RPAP2: variants seen among roughly 807,000 people sequenced by gnomAD.
RPAP2 encodes the protein putative RNA polymerase II subunit B1 CTD phosphatase RPAP2.
In RPAP2, 52 loss-of-function variants were observed where a neutral mutation model predicts 73.1. That is an observed-to-expected ratio of 0.71 (90% CI 0.57 to 0.90). RPAP2 has a LOEUF of 0.90. RPAP2 is among the 40% of genes least tolerant of loss of function. The pLI is 0.00. For missense variants in RPAP2, 598 were observed against 701.8 expected (o/e 0.85, Z 1.67); for synonymous variants, 225 against 242.1 (o/e 0.93, Z 0.65).
intron 11 of RPAP2, among the ~76,000 whole-genome samples, chr1:92,362,771 T>TA (rs373555976): frequency 6.6e-6 from 1 of 152,190 alleles, no homozygotes; most frequent in Non-Finnish European, 1.5e-5. Context: ...TAATGTTTTT[T>TA]ATCACTTACA....
At position 92,300,256 on chromosome 1, in the gene RPAP2, G is replaced by C. The variant is rs1650723262; in HGVS notation, c.119+17G>C. On this transcript the variant is annotated intron_variant, in intron 2 of 12. Coordinates refer to ENST00000610020, the MANE Select transcript of RPAP2 (RefSeq NM_024813.3). Reference sequence around the variant, plus strand: ...TTCTAAAAGGTATGACAGCTACATGGACAACTACATTGGCATATCTACTTA... The same window carrying C: ...TTCTAAAAGGTATGACAGCTACATGCACAACTACATTGGCATATCTACTTA... 6.3e-7 allele frequency: 1 copy of C among 1,591,430 alleles called. No homozygotes were observed. Among genetic ancestry groups the C allele is most frequent in the South Asian group, 1.1e-5 (1 of 90,504 alleles).
rs1289175785 is a variant in RPAP2, at chr1:92,398,721, T to A, written c.*11710T>A. 1 of 152,212 alleles carries A rather than the reference T, an allele frequency of 6.6e-6. No homozygotes were observed. The allele number at this position is 152,212 out of a possible 1,614,324, so 9.4% of individuals were successfully genotyped here. On this transcript the variant is annotated 3_prime_UTR_variant, in exon 13 of 13. Coordinates refer to ENST00000610020, the MANE Select transcript of RPAP2 (RefSeq NM_024813.3). ...GAAGCATGCTCCAGTGTGCATGCAC[T>A]CTCATCAAAGCCCTAGTCAGGAATC...
At chr1:92,380,123 C>T (rs1351791117) in intron 11 of RPAP2, among the ~76,000 whole-genome samples, 3 of 150,478 alleles carry the variant, frequency 2.0e-5, no homozygotes, top group South Asian at 4.2e-4. Context: ...ACCAAAAAAA[C>T]GAAAATTAGC....
At chr1:92,302,679 GCAAGCTCCGCCTC>G (rs1650947751) in intron 3 of RPAP2, among the ~76,000 whole-genome samples, 1 of 127,282 alleles carries the variant, frequency 7.9e-6, no homozygotes, top group Non-Finnish European at 1.5e-5. Flanking sequence ...TCTGCTCACT[GCAAGCTCCGCCTC>G]CCGTGTTCAC....
chr1:92,311,090 T>C (rs1651569493), intron 6 of RPAP2, among the ~76,000 whole-genome samples: 1 of 152,244 alleles, frequency 6.6e-6, no homozygotes, highest in Non-Finnish European at 1.5e-5. Context: ...TTTTTTAAAA[T>C]GCTGGCAGCA....
chr1:92,359,514 T>A (rs1305060218), intron 11 of RPAP2, among the ~76,000 whole-genome samples: 1 of 152,154 alleles, frequency 6.6e-6, no homozygotes, highest in East Asian at 1.9e-4. Context: ...GAGACAGGAT[T>A]TTACCATGTT....
At chr1:92,313,172 T>C (rs1357734119) in intron 6 of RPAP2, among the ~76,000 whole-genome samples, 1 of 152,174 alleles carries the variant, frequency 6.6e-6, no homozygotes, top group Non-Finnish European at 1.5e-5. Context: ...CACTCCCAAA[T>C]GTTCTTAATG....
rs181188250 is a variant in RPAP2 at position 92,374,433 on chromosome 1, A to G, written c.1689-6291A>G. Among the ~76,000 whole-genome samples, 281 of 152,304 alleles carry G rather than the reference A, an allele frequency of 1.8e-3. 1 individual carries two copies. Among genetic ancestry groups the G allele is most frequent in the South Asian group, 3.1e-3 (15 of 4,824 alleles). On this transcript the variant is annotated intron_variant, in intron 11 of 12. Coordinates refer to ENST00000610020, the MANE Select transcript of RPAP2 (RefSeq NM_024813.3). Reference sequence around the variant, plus strand: ...CGTTGCTAGGTGCTTTGTGGTTTACAAAGTCCTCTTCCATGGTTACTACTA... The same window carrying G: ...CGTTGCTAGGTGCTTTGTGGTTTACGAAGTCCTCTTCCATGGTTACTACTA...
At position 92,392,732 on chromosome 1, in the gene RPAP2, A is replaced by G. The variant is rs1656087030; in HGVS notation, c.*5721A>G. The stretch of plus-strand genomic sequence containing the variant: ...GTGCAAAAATCACAAGCATTCCTAT[A>G]TACCAATAATAGACAAAGAGCCAAA... On this transcript the variant is annotated 3_prime_UTR_variant, in exon 13 of 13. Coordinates refer to ENST00000610020, the MANE Select transcript of RPAP2 (RefSeq NM_024813.3). 1 of 152,254 alleles carries G rather than the reference A, an allele frequency of 6.6e-6. No homozygotes were observed. Among genetic ancestry groups the G allele is most frequent in the Non-Finnish European group, 1.5e-5 (1 of 68,054 alleles). The allele number at this position is 152,254 out of a possible 1,614,324, so 9.4% of individuals were successfully genotyped here. A position where few individuals can be genotyped will look rare whatever the true frequency, so the allele number is the denominator to read the frequency against.
intron 11 of RPAP2, among the ~76,000 whole-genome samples, chr1:92,371,889 CAAAAA>C (rs1164408246): frequency 3.3e-5 from 3 of 92,136 alleles, no homozygotes; most frequent in Non-Finnish European, 6.6e-5. Flanking sequence ...GACCCTGTCT[CAAAAA>C]AAAAAAAAAA....
At position 92,394,955 on chromosome 1, in the gene RPAP2, T is replaced by C. The variant is rs1011526446; in HGVS notation, c.*7944T>C. On this transcript the variant is annotated 3_prime_UTR_variant, in exon 13 of 13. Coordinates refer to ENST00000610020, the MANE Select transcript of RPAP2 (RefSeq NM_024813.3). ...TAATCAAGACAGTGTGGTACTGATA[T>C]AAAGATAGGCATACAGATCAGTGGA... The C allele has an allele frequency of 6.6e-6, 1 of 152,188 alleles. No homozygotes were observed. Among genetic ancestry groups the C allele is most frequent in the Admixed American group, 6.5e-5 (1 of 15,272 alleles). The allele number at this position is 152,188 out of a possible 1,614,324, so 9.4% of individuals were successfully genotyped here.
intron 11 of RPAP2, among the ~76,000 whole-genome samples, chr1:92,352,615 T>C (rs764494852): frequency 6.6e-6 from 1 of 152,232 alleles, no homozygotes; most frequent in African/African-American, 2.4e-5. Flanking sequence ...TATTTGAAGA[T>C]CATTGAAATT....
chr1:92,327,154 CAG>C (rs1402085483), intron 8 of RPAP2, among the ~76,000 whole-genome samples: 1 of 152,198 alleles, frequency 6.6e-6, no homozygotes, highest in African/African-American at 2.4e-5. Context: ...AATATTCTCT[CAG>C]ACCACAGTGG....
intron 11 of RPAP2, among the ~76,000 whole-genome samples, chr1:92,375,476 C>T (rs1655344685): frequency 6.6e-6 from 1 of 152,214 alleles, no homozygotes; most frequent in Middle Eastern, 3.4e-3. Context: ...AGGTGGACTG[C>T]CTGAGCTCAG....
chr1:92,301,578 C>G lies in RPAP2; in HGVS notation c.222C>G (p.Phe74Leu), dbSNP rs1382551954. ...QLLEENITEE[F>L]LMECGRFITP... is the part of the protein sequence containing the mutation. ...TAGAGGAGAATATTACAGAAGAGTT[C>G]CTAATGGAGTGTGTATGTGTTAAGT... Residue 74 changes from phenylalanine to leucine, a missense_variant, in exon 3 of 13, where the codon TTC (phenylalanine) becomes TTG (leucine). Phe to Leu is a conservative substitution (Grantham distance 22). Coordinates refer to ENST00000610020, the MANE Select transcript of RPAP2 (RefSeq NM_024813.3). The G allele has an allele frequency of 6.9e-7, 1 of 1,445,788 alleles. No homozygotes were observed. The highest frequency in any genetic ancestry group is 1.3e-5 in the South Asian group (1 of 79,766). 89.6% of individuals were successfully genotyped at this position (1,445,788 alleles called of 1,614,324 possible).
rs56720210 is a variant in RPAP2, at chr1:92,361,130, T to C, written c.1688+15216T>C. On this transcript the variant is annotated intron_variant, in intron 11 of 12. Coordinates refer to ENST00000610020, the MANE Select transcript of RPAP2 (RefSeq NM_024813.3). ...ACACACACACACATATATATATATA[T>C]ACACACACATAAACACACACACACA... Among the ~76,000 whole-genome samples, 285 of 109,430 alleles carry C rather than the reference T, an allele frequency of 2.6e-3. 1 individual carries two copies. Among genetic ancestry groups the C allele is most frequent in the African/African-American group, 7.0e-3 (203 of 29,116 alleles). 71.8% of individuals were successfully genotyped at this position (109,430 alleles called of 152,430 possible). A position where few individuals can be genotyped will look rare whatever the true frequency, so the allele number is the denominator to read the frequency against.
chr1:92,372,065 A>G (rs1457875649), intron 11 of RPAP2, among the ~76,000 whole-genome samples: 1 of 152,216 alleles, frequency 6.6e-6, no homozygotes. Flanking sequence ...TGACGCAGTC[A>G]TTCCACAATG....
intron 10 of RPAP2, among the ~76,000 whole-genome samples, chr1:92,342,064 C>T (rs1653622274): frequency 6.6e-6 from 1 of 152,208 alleles, no homozygotes; most frequent in African/African-American, 2.4e-5. Flanking sequence ...GTGAACAAAA[C>T]ACACAAATCC....
At chr1:92,341,291 G>A (rs1299096767) in intron 10 of RPAP2, among the ~76,000 whole-genome samples, 1 of 152,144 alleles carries the variant, frequency 6.6e-6, no homozygotes, top group East Asian at 1.9e-4. Flanking sequence ...TTACAGGCAT[G>A]AGCCACCATA....
Sources: gnomAD v4.1 joint callset for allele counts (sites outside exome capture counted in the v4.1 genomes callset) on GRCh38, gnomAD v4.1.1 for gene constraint, MANE v1.5 for transcripts, NCBI Gene and HGNC (gene_info 2026-07-23, HGNC 2026-07-21) for gene names.